Variants in CTNND2 observed in about 807,000 individuals in gnomAD.
The protein encoded by CTNND2 is catenin delta 2.
Under a neutral mutation model 144.4 loss-of-function variants are expected in CTNND2, and 22 were observed. The ratio of observed to expected loss-of-function variants is 0.15; its 90% CI spans 0.11 to 0.22. The LOEUF (loss-of-function observed/expected upper bound fraction) is 0.22, where lower values mean the gene tolerates loss of function less well. Ranked by LOEUF, CTNND2 falls within the 10% of genes least tolerant of loss-of-function variation. CTNND2 has a pLI of 1.00. For synonymous variants in CTNND2, 751 were observed against 695.6 expected (o/e 1.08, Z -1.25); for missense variants, 1,353 against 1,618.8 (o/e 0.84, Z 2.82).
chr5:11,701,577 T>C (rs1473934880), intron 2 of CTNND2, among the ~76,000 whole-genome samples: 1 of 152,168 alleles, frequency 6.6e-6, no homozygotes, highest in Non-Finnish European at 1.5e-5. Context: ...ATGATGAATA[T>C]GTATGAGGAC....
intron 2 of CTNND2, among the ~76,000 whole-genome samples, chr5:11,731,658 G>A (rs766886052): frequency 1.3e-5 from 2 of 152,062 alleles, no homozygotes; most frequent in Non-Finnish European, 2.9e-5. Flanking sequence ...TCATTAGTTC[G>A]AGAAGGAAAT....
chr5:11,101,924 T>TGTG, intron 14 of CTNND2, among the ~76,000 whole-genome samples: 1 of 151,558 alleles, frequency 6.6e-6, no homozygotes, highest in Non-Finnish European at 1.5e-5. Context: ...TGTGTGTGTG[T>TGTG]TTACATCTTC....
At chr5:11,056,342 T>C (rs1746349624) in intron 16 of CTNND2, among the ~76,000 whole-genome samples, 1 of 152,222 alleles carries the variant, frequency 6.6e-6, no homozygotes, top group Admixed American at 6.5e-5. Context: ...AAATGAGATG[T>C]AGAAAACAAA....
intron 9 of CTNND2, among the ~76,000 whole-genome samples, chr5:11,298,562 C>T (rs551707132): frequency 1.3e-5 from 2 of 152,168 alleles, no homozygotes; most frequent in Non-Finnish European, 2.9e-5. Flanking sequence ...TTCTATTTTG[C>T]TTTTAAAATG....
intron 15 of CTNND2, among the ~76,000 whole-genome samples, chr5:11,091,412 C>G (rs890601570): frequency 1.3e-5 from 2 of 152,120 alleles, no homozygotes; most frequent in African/African-American, 4.8e-5. Flanking sequence ...ATAATAATTG[C>G]TTATTTGATA....
At chr5:11,396,274 G>A (rs982653595) in intron 6 of CTNND2, among the ~76,000 whole-genome samples, 1 of 152,090 alleles carries the variant, frequency 6.6e-6, no homozygotes, top group African/African-American at 2.4e-5. Flanking sequence ...CTGGCGTGAT[G>A]ATCAAAATTA....
At chr5:11,330,800 A>G (rs1307254168) in intron 9 of CTNND2, among the ~76,000 whole-genome samples, 1 of 149,206 alleles carries the variant, frequency 6.7e-6, no homozygotes, top group Non-Finnish European at 1.5e-5. Flanking sequence ...AAAAAAAAAA[A>G]TAGAAAGAGT....
At chr5:11,815,556 G>T (rs11133673) in intron 1 of CTNND2, among the ~76,000 whole-genome samples, 134,001 of 152,034 alleles carry the variant, frequency 0.88, 60,610 homozygotes, top group Non-Finnish European at 0.99. Flanking sequence ...TAATCCCAAG[G>T]GGTTTTTTTT....
chr5:11,347,525 C>T (rs1754920251), intron 8 of CTNND2, among the ~76,000 whole-genome samples: 1 of 152,140 alleles, frequency 6.6e-6, no homozygotes, highest in Non-Finnish European at 1.5e-5. Context: ...ATATATTTGA[C>T]ATCTAAGGTT....
chr5:11,255,010 T>G (rs928455553), intron 9 of CTNND2, among the ~76,000 whole-genome samples: 1 of 152,244 alleles, frequency 6.6e-6, no homozygotes, highest in Non-Finnish European at 1.5e-5. Flanking sequence ...TTTGGAGTCA[T>G]GCCAGAGCTA....
intron 8 of CTNND2, among the ~76,000 whole-genome samples, chr5:11,358,910 G>C (rs1756172730): frequency 6.6e-6 from 1 of 152,126 alleles, no homozygotes; most frequent in Non-Finnish European, 1.5e-5. Context: ...ATCACAGAAA[G>C]CTTGTTTTCA....
At chr5:11,818,775 A>G (rs1442194096) in intron 1 of CTNND2, among the ~76,000 whole-genome samples, 1 of 152,148 alleles carries the variant, frequency 6.6e-6, no homozygotes, top group Non-Finnish European at 1.5e-5. Context: ...CTAAGACAGC[A>G]TATGTCACAC....
intron 2 of CTNND2, among the ~76,000 whole-genome samples, chr5:11,662,275 A>G (rs202095743): frequency 0.042 from 4,017 of 94,586 alleles, 86 homozygotes; most frequent in African/African-American, 0.17. Flanking sequence ...GTGTGTGTGT[A>G]TATATATATA....
intron 2 of CTNND2, among the ~76,000 whole-genome samples, chr5:11,729,051 C>T (rs1260819249): frequency 1.3e-5 from 2 of 152,096 alleles, no homozygotes; most frequent in African/African-American, 4.8e-5. Context: ...GAATCTGCTG[C>T]TTTTTGATTT....
intron 1 of CTNND2, among the ~76,000 whole-genome samples, chr5:11,763,338 A>G (rs1789389071): frequency 6.6e-6 from 1 of 152,218 alleles, no homozygotes; most frequent in South Asian, 2.1e-4. Context: ...AAATGGGAGA[A>G]ACACACTCTT....
At chr5:11,541,473 C>T (rs547174173) in intron 3 of CTNND2, among the ~76,000 whole-genome samples, 5 of 152,010 alleles carry the variant, frequency 3.3e-5, no homozygotes, top group African/African-American at 7.2e-5. Flanking sequence ...GTGGCCACCA[C>T]GATAAAAGGA....
At chr5:11,324,310 T>A (rs1484867337) in intron 9 of CTNND2, among the ~76,000 whole-genome samples, 1 of 152,124 alleles carries the variant, frequency 6.6e-6, no homozygotes, top group African/African-American at 2.4e-5. Flanking sequence ...ATCTTCCCCA[T>A]CAGATTGAAG....
chr5:10,983,294 A>G (rs983532220), intron 20 of CTNND2, among the ~76,000 whole-genome samples: 1 of 151,908 alleles, frequency 6.6e-6, no homozygotes, highest in Non-Finnish European at 1.5e-5. Context: ...GTATTCATAA[A>G]TTTTTTTTTA....
At chr5:11,347,119 G>A (rs1451833667) in intron 8 of CTNND2, among the ~76,000 whole-genome samples, 2 of 152,182 alleles carry the variant, frequency 1.3e-5, no homozygotes, top group Non-Finnish European at 2.9e-5. Flanking sequence ...GAGAGGGAGT[G>A]TATGCATGGG....
Sources: allele counts gnomAD v4.1 joint callset (sites outside exome capture counted in the v4.1 genomes callset), GRCh38; gene constraint gnomAD v4.1.1; transcripts MANE v1.5; gene names NCBI Gene and HGNC (gene_info 2026-07-23, HGNC 2026-07-21).